CEACAM7: variants seen among roughly 807,000 people sequenced by gnomAD.
CEACAM7 encodes the protein cell adhesion molecule CEACAM7.
Under a neutral mutation model 25.7 loss-of-function variants are expected in CEACAM7, and 24 were observed. The observed-to-expected ratio is 0.93, with a 90% CI of 0.68 to 1.31. The LOEUF is 1.31. CEACAM7 is among the 40% of genes most tolerant of loss of function. The pLI is 0.00. For synonymous variants in CEACAM7, 144 were observed against 129.4 expected (o/e 1.11, Z -0.77); for missense variants, 324 against 330.1 (o/e 0.98, Z 0.14).
chr19:41,684,809 C>T (rs551761146), intron 2 of CEACAM7, among the ~76,000 whole-genome samples: 18 of 152,340 alleles, frequency 1.2e-4, no homozygotes, highest in Non-Finnish European at 2.2e-4. Flanking sequence ...TTACAAAGAG[C>T]TCCCTGTCCC....
At position 41,687,229 on chromosome 19, in the gene CEACAM7, G is replaced by C. The variant is rs375350174; in HGVS notation, c.65-8C>G. 1.0e-4 allele frequency: 164 copies of C among 1,583,996 alleles called. No homozygotes were observed. Among genetic ancestry groups the C allele is most frequent in the Non-Finnish European group, 1.2e-4 (138 of 1,164,696 alleles). ...AGAAGGTTAAAAGCGAGGCTAGGAG[G>C]GGGAGAGAACATCAGTCAATATTGG... is the stretch of plus-strand genomic sequence containing the variant. On this transcript the variant is annotated splice_polypyrimidine_tract_variant and splice_region_variant and intron_variant, in intron 1 of 4. Coordinates refer to ENST00000401731, the MANE Select transcript of CEACAM7 (RefSeq NM_001291485.2).
chr19:41,677,860 G>C (rs1475562908), intron 3 of CEACAM7, among the ~76,000 whole-genome samples: 2 of 152,002 alleles, frequency 1.3e-5, no homozygotes, highest in Non-Finnish European at 2.9e-5. Flanking sequence ...GTGGCAGTTA[G>C]TGCATTTTGA....
rs1232325218 is a variant in CEACAM7 at position 41,674,073 on chromosome 19, A to G, written c.*703T>C. 2 of 152,218 alleles carry G rather than the reference A, an allele frequency of 1.3e-5. No homozygotes were observed. The highest frequency in any genetic ancestry group is 2.4e-5 in the African/African-American group (1 of 41,464). 9.4% of individuals were successfully genotyped at this position (152,218 alleles called of 1,614,324 possible). A position where few individuals can be genotyped will look rare whatever the true frequency, so the allele number is the denominator to read the frequency against. Reference sequence around the variant, plus strand: ...ACTGAGTCTCTATAGTACCCACTGTATTTATTTATGTGCAACAAGAAGTGT... The same window carrying G: ...ACTGAGTCTCTATAGTACCCACTGTGTTTATTTATGTGCAACAAGAAGTGT... On this transcript the variant is annotated 3_prime_UTR_variant, in exon 5 of 5. Transcript: ENST00000401731.
At position 41,687,069 on chromosome 19, in the gene CEACAM7, C is replaced by A; in HGVS notation, c.217G>T (p.Val73Leu). Residue 73 changes from valine (V) to leucine (L), a missense_variant, in exon 2 of 5, where the codon GTG (valine) becomes TTG (leucine). Transcript: ENST00000401731. ...YGYNWYKGER[V>L]HANYRIIGYV... ...CCTATAATTCGATAGTTGGCATGCA[C>A]CCTTTCCCCTTTGTACCAGTTGTAG... is the stretch of plus-strand genomic sequence containing the variant. 1.2e-6 allele frequency: 2 copies of A among 1,614,062 alleles called. No homozygotes were observed. Among genetic ancestry groups the A allele is most frequent in the Non-Finnish European group, 1.7e-6 (2 of 1,180,002 alleles).
rs1555811447 is a variant in CEACAM7 at position 41,688,208 on chromosome 19, C to T, written c.-43G>A. ...TGTCCTCTGTGGAGAAGAGCTTGGG[C>T]TCCAGGAACTCTCTTGTCAGGGCTG... On this transcript the variant is annotated 5_prime_UTR_variant, in exon 1 of 5. Coordinates refer to ENST00000401731, the MANE Select transcript of CEACAM7 (RefSeq NM_001291485.2). 2 of 1,596,384 alleles carry T rather than the reference C, an allele frequency of 1.3e-6. No individual in the cohort carries two copies. The highest frequency in any genetic ancestry group is 2.2e-5 in the South Asian group (2 of 89,052).
intron 1 of CEACAM7, 106 bp from the exon 2 acceptor site, chr19:41,687,327 G>C (rs1555811350): frequency 1.8e-6 from 2 of 1,099,268 alleles, no homozygotes; most frequent in Non-Finnish European, 2.5e-6. Flanking sequence ...CCATCTTGAA[G>C]TAAGTGTGTG....
chr19:41,679,958 C>T (rs1229221736), intron 3 of CEACAM7, among the ~76,000 whole-genome samples: 1 of 145,862 alleles, frequency 6.9e-6, no homozygotes, highest in Admixed American at 6.9e-5. Context: ...TGTGCCACCA[C>T]ACCTGGCTAA....
At chr19:41,684,618 G>A (rs2072209183) in intron 2 of CEACAM7, among the ~76,000 whole-genome samples, 1 of 152,294 alleles carries the variant, frequency 6.6e-6, no homozygotes, top group Non-Finnish European at 1.5e-5. Flanking sequence ...CTCTACCCGG[G>A]TGTTTGATGG....
intron 3 of CEACAM7, 32 bp from the exon 4 acceptor site, chr19:41,677,535 T>C (rs1555810253): frequency 6.5e-7 from 1 of 1,541,752 alleles, no homozygotes; most frequent in South Asian, 1.1e-5. Flanking sequence ...AGGAATGAAG[T>C]TGATCTTATT....
Position 41,688,102 on chromosome 19 carries a change from C to G in CEACAM7, c.64G>C (p.Ala22Pro), listed in dbSNP as rs2072247306. ...CACTCCCAGGAAGTCCTCCCCTCAC[C>G]TGTGAGCAGGAGCCCCTGCCAGGGA... ...CIPWQGLLLT[A>P]SLLTFWNLPN... Residue 22 changes from alanine to proline, a missense_variant and splice_region_variant, in exon 1 of 5, where the codon GCC (alanine) becomes CCC (proline). By Grantham distance (27) the Ala-to-Pro change is conservative (BLOSUM62 -1). Transcript: ENST00000401731. 6.2e-7 allele frequency: 1 copy of G among 1,610,520 alleles called. No homozygotes were observed. The highest frequency in any genetic ancestry group is 1.1e-5 in the South Asian group (1 of 90,770).
At chr19:41,685,909 T>G (rs1439483046) in intron 2 of CEACAM7, among the ~76,000 whole-genome samples, 1 of 152,178 alleles carries the variant, frequency 6.6e-6, no homozygotes, top group Non-Finnish European at 1.5e-5. Context: ...GACTCTGATG[T>G]GACTGTCCGG....
intron 3 of CEACAM7, 114 bp downstream of exon 3, chr19:41,683,671 T>C: frequency 6.9e-7 from 1 of 1,454,840 alleles, no homozygotes; most frequent in Non-Finnish European, 9.4e-7. Context: ...CCAGCCTGGG[T>C]GCCTAGAGGT....
In CEACAM7 at chr19:41,674,574, G is replaced by T; in HGVS notation, c.*202C>A. 1 of 264,750 alleles carries T rather than the reference G, an allele frequency of 3.8e-6. No individual in the cohort carries two copies. The highest frequency in any genetic ancestry group is 7.4e-6 in the Non-Finnish European group (1 of 135,100). The allele number at this position is 264,750 out of a possible 1,614,324, so 16.4% of individuals were successfully genotyped here. ...CTCTAGTTATGGTGTTGAACATTTTGGTTAGCTCTGAGTGGCCCACATCTC... is the reference window on the plus strand; with the variant it reads ...CTCTAGTTATGGTGTTGAACATTTTTGTTAGCTCTGAGTGGCCCACATCTC... On this transcript the variant is annotated 3_prime_UTR_variant, in exon 5 of 5. Transcript: ENST00000401731.
chr19:41,686,668 G>A (rs890385563), intron 2 of CEACAM7, among the ~76,000 whole-genome samples, 191 bp downstream of exon 2: 3 of 152,156 alleles, frequency 2.0e-5, no homozygotes, highest in Admixed American at 6.5e-5. Context: ...TATCTGCAGG[G>A]TCTGGATGCA....
In CEACAM7 at chr19:41,676,029, C is replaced by T. The variant is rs114546548; in HGVS notation, c.*37-1290G>A. ...GGCATAGTACATTAACAAATATGGC[C>T]AACAATGTATAAGCTTATGTATGTT... On this transcript the variant is annotated intron_variant, in intron 4 of 4. Coordinates refer to ENST00000401731, the MANE Select transcript of CEACAM7 (RefSeq NM_001291485.2). Among the ~76,000 whole-genome samples, 960 of 152,254 alleles carry T rather than the reference C, an allele frequency of 6.3e-3. 11 individuals are homozygous for T. The highest frequency in any genetic ancestry group is 0.022 in the African/African-American group (924 of 41,538).
At position 41,683,871 on chromosome 19, in the gene CEACAM7, G is replaced by A. The variant is rs1484294889; in HGVS notation, c.620C>T (p.Thr207Ile). The A allele has an allele frequency of 1.2e-6, 2 of 1,614,108 alleles. No individual in the cohort carries two copies. The highest frequency in any genetic ancestry group is 1.7e-6 in the Non-Finnish European group (2 of 1,180,050). Residue 207 changes from threonine to isoleucine, a missense_variant, in exon 3 of 5, where the codon ACA becomes ATA. Transcript: ENST00000401731. Reference sequence around the variant, plus strand: ...TTCATAGGGTCCTATGTCATTCTTTGTGGCGCTGAGTAGAACGAGGGTCCT... The same window carrying A: ...TTCATAGGGTCCTATGTCATTCTTTATGGCGCTGAGTAGAACGAGGGTCCT... ...DNRTLVLLSA[T>I]KNDIGPYECE...
chr19:41,686,310 C>T (rs190240874), intron 2 of CEACAM7, among the ~76,000 whole-genome samples: 1 of 152,306 alleles, frequency 6.6e-6, no homozygotes, highest in East Asian at 1.9e-4. Flanking sequence ...GAGGCTCTGT[C>T]CTTGCCCAGA....
In CEACAM7 at chr19:41,688,259, TC is replaced by T; in HGVS notation, c.-95del. 6.6e-7 allele frequency: 1 copy of T among 1,515,088 alleles called. No homozygotes were observed. The highest frequency in any genetic ancestry group is 1.3e-5 in the South Asian group (1 of 78,422). The allele number at this position is 1,515,088 out of a possible 1,614,324, so 93.9% of individuals were successfully genotyped here. On this transcript the variant is annotated 5_prime_UTR_variant, in exon 1 of 5. Transcript: ENST00000401731. ...CTGTGACTGTCAGCTCTGCTGTCCT[TC>T]CTACCTCTGTGCTGAGCCTCCTCCC...
intron 3 of CEACAM7, among the ~76,000 whole-genome samples, chr19:41,681,388 G>A (rs1236574436): frequency 3.9e-5 from 6 of 152,132 alleles, no homozygotes; most frequent in African/African-American, 1.4e-4. Context: ...AAAAAATTAA[G>A]CAAAGCATTA....
Sources: allele counts gnomAD v4.1 joint callset (sites outside exome capture counted in the v4.1 genomes callset), GRCh38; gene constraint gnomAD v4.1.1; transcripts MANE v1.5; gene names NCBI Gene and HGNC (gene_info 2026-07-23, HGNC 2026-07-21).